EML6: variants seen among roughly 807,000 people sequenced by gnomAD.
EML6 encodes the protein EMAP like 6.
Under a neutral mutation model 240.1 loss-of-function variants are expected in EML6, and 154 were observed. The ratio of observed to expected loss-of-function variants is 0.64; its 90% CI spans 0.56 to 0.73. The LOEUF is 0.73. Among genes scored for constraint, EML6 ranks in the 30% least tolerant of loss-of-function variants. The pLI is 0.00. For synonymous variants in EML6, 1,148 were observed against 899.0 expected (o/e 1.28, Z -4.95); for missense variants, 2,964 against 2,474.6 (o/e 1.20, Z -4.20).
chr2:54,882,858 A>AAAAAAAAAAAAAAAAAAAAAAAC (rs1491306367), intron 17 of EML6: 1 of 95,252 alleles, frequency 1.0e-5, no homozygotes, highest in Non-Finnish European at 2.1e-5. Flanking sequence ...ACTCCGTCTC[A>AAAAAAAAAAAAAAAAAAAAAAAC]AAAAAAAAAA....
At chr2:54,911,150 C>A (rs1673618776) in intron 25 of EML6, 108 bp downstream of exon 25, 2 of 572,734 alleles carry the variant, frequency 3.5e-6, no homozygotes, top group Non-Finnish European at 6.2e-6. Context: ...ATTTACTATA[C>A]CTTTAAGTTT....
intron 17 of EML6, among the ~76,000 whole-genome samples, chr2:54,889,074 G>A (rs953014910): frequency 3.9e-5 from 6 of 152,102 alleles, no homozygotes; most frequent in African/African-American, 1.4e-4. Context: ...TGCTATTTAT[G>A]TAAAACCTTG....
intron 2 of EML6, among the ~76,000 whole-genome samples, chr2:54,767,283 G>C (rs1668221586): frequency 6.6e-6 from 1 of 151,996 alleles, no homozygotes; most frequent in Non-Finnish European, 1.5e-5. Flanking sequence ...AGAACCTACA[G>C]CCAGGGAAAA....
At chr2:54,750,854 T>G (rs751007770) in intron 2 of EML6, among the ~76,000 whole-genome samples, 1 of 152,144 alleles carries the variant, frequency 6.6e-6, no homozygotes, top group Non-Finnish European at 1.5e-5. Flanking sequence ...ATGGGTATCA[T>G]GGTTGTCCGA....
intron 2 of EML6, among the ~76,000 whole-genome samples, chr2:54,792,443 C>G (rs911522456): frequency 6.6e-6 from 1 of 152,214 alleles, no homozygotes; most frequent in Admixed American, 6.5e-5. Context: ...CCCCTGCAAT[C>G]TCACTCCTAG....
At chr2:54,856,459 C>T (rs114659281) in intron 11 of EML6, among the ~76,000 whole-genome samples, 172 of 152,292 alleles carry the variant, frequency 1.1e-3, no homozygotes, top group African/African-American at 3.9e-3. Context: ...AGCAAATGGA[C>T]TTGTGTTGTA....
At chr2:54,958,440 C>T (rs1009564993) in intron 33 of EML6, among the ~76,000 whole-genome samples, 2 of 152,130 alleles carry the variant, frequency 1.3e-5, no homozygotes, top group East Asian at 1.9e-4. Flanking sequence ...GATCCGCCTG[C>T]CTCAGCCTCC....
At chr2:54,733,336 G>A (rs1015522478) in intron 2 of EML6, among the ~76,000 whole-genome samples, 16 of 152,158 alleles carry the variant, frequency 1.1e-4, no homozygotes, top group Admixed American at 3.9e-4. Flanking sequence ...TTGATTTTAT[G>A]GATAGGAATA....
At chr2:54,816,040 T>C (rs1295244093) in intron 3 of EML6, among the ~76,000 whole-genome samples, 1 of 152,260 alleles carries the variant, frequency 6.6e-6, no homozygotes, top group East Asian at 1.9e-4. Flanking sequence ...GTGTTATGTC[T>C]GGCTACTTAA....
rs113998369 is a variant in EML6 at position 54,914,233 on chromosome 2, A to G, written c.3499-2526A>G. Among the ~76,000 whole-genome samples, 463 of 152,352 alleles carry G rather than the reference A, an allele frequency of 3.0e-3. 1 individual carries two copies. Among genetic ancestry groups the G allele is most frequent in the African/African-American group, 0.01 (424 of 41,578 alleles). On this transcript the variant is annotated intron_variant, in intron 25 of 41. Transcript: ENST00000356458. ...AGTTGTCAATCTGGTTTTACAGATA[A>G]GGAAACTAAGGCTCTGTAAGGGCAA...
intron 21 of EML6, among the ~76,000 whole-genome samples, chr2:54,898,824 A>C (rs1179017291): frequency 6.6e-6 from 1 of 152,250 alleles, no homozygotes; most frequent in Non-Finnish European, 1.5e-5. Context: ...GCTCTGTAGC[A>C]CTAATCTTTA....
intron 22 of EML6, among the ~76,000 whole-genome samples, chr2:54,901,892 T>C (rs1673075330): frequency 6.6e-6 from 1 of 152,230 alleles, no homozygotes; most frequent in African/African-American, 2.4e-5. Context: ...GACATACCTT[T>C]GCAAAGTCCA....
intron 2 of EML6, among the ~76,000 whole-genome samples, chr2:54,760,876 G>A (rs1667954535): frequency 7.0e-6 from 1 of 143,328 alleles, no homozygotes; most frequent in Admixed American, 7.1e-5. Context: ...CAGACTGAAA[G>A]ATGGAAGTTA....
At chr2:54,741,617 G>A in intron 2 of EML6, among the ~76,000 whole-genome samples, 1 of 152,082 alleles carries the variant, frequency 6.6e-6, no homozygotes, top group South Asian at 2.1e-4. Context: ...CTAGGCCTGG[G>A]GCAGTGAAAG....
rs937106879 is a variant in EML6 at position 54,869,457 on chromosome 2, G to T, written c.2238+90G>T. The T allele has an allele frequency of 2.2e-5, 22 of 1,010,552 alleles. No homozygotes were observed. In the African/African-American group the frequency reaches 3.4e-4, roughly 16 times the overall value. The allele number at this position is 1,010,552 out of a possible 1,614,324, so 62.6% of individuals were successfully genotyped here. A position where few individuals can be genotyped will look rare whatever the true frequency, so the allele number is the denominator to read the frequency against. On this transcript the variant is annotated intron_variant, in intron 15 of 41. Transcript: ENST00000356458. The stretch of plus-strand genomic sequence containing the variant: ...ATATTAGAAATTCAAGAAATGCTTG[G>T]TAGAAATAAACATGAGATGGGAAGG...
intron 25 of EML6, among the ~76,000 whole-genome samples, chr2:54,913,793 C>A (rs1673765343): frequency 6.6e-6 from 1 of 152,152 alleles, no homozygotes; most frequent in Non-Finnish European, 1.5e-5. Context: ...AGTTTGAGGT[C>A]TTACATTTAA....
rs1035549231 is a variant in EML6, at chr2:54,725,378, G to T, written c.197+120G>T. The stretch of plus-strand genomic sequence containing the variant: ...GGAATAGAGGATTCTCTCTGGAGCC[G>T]CATGGAATTACTGAAGGGCTGCTGA... On this transcript the variant is annotated intron_variant, in intron 2 of 41. Transcript: ENST00000356458. The surrounding 1 kb of genome is among the most constrained non-coding windows in gnomAD (Gnocchi z 4.3). The T allele has an allele frequency of 3.4e-5, 24 of 711,458 alleles. No individual in the cohort carries two copies. The highest frequency in any genetic ancestry group is 4.9e-5 in the Non-Finnish European group (23 of 473,318). 44.1% of individuals were successfully genotyped at this position (711,458 alleles called of 1,614,324 possible). A position where few individuals can be genotyped will look rare whatever the true frequency, so the allele number is the denominator to read the frequency against.
Position 54,961,184 on chromosome 2 carries a change from G to GTTGTTTTTTTTTTTGTTTTTTTTTTTT in EML6, c.4968+852_4968+853insGTTTTTTTTTTTGTTTTTTTTTTTTTT. 3.6e-5 allele frequency among the ~76,000 whole-genome samples: 2 copies of GTTGTTTTTTTTTTTGTTTTTTTTTTTT among 55,424 alleles called. 1 individual carries two copies. Among genetic ancestry groups the GTTGTTTTTTTTTTTGTTTTTTTTTTTT allele is most frequent in the African/African-American group, 1.6e-4 (2 of 12,356 alleles). 36.4% of individuals were successfully genotyped at this position (55,424 alleles called of 152,430 possible). ...GGAGCCTGGAAGTTATCAGGAAGTA[G>GTTGTTTTTTTTTTTGTTTTTTTTTTTT]TTTTTTTTTTTTTTTTTTTGAGACG... On this transcript the variant is annotated intron_variant, in intron 35 of 41. Coordinates refer to ENST00000356458, the MANE Select transcript of EML6 (RefSeq NM_001039753.4).
chr2:54,945,697 C>G (rs895769217), intron 28 of EML6, among the ~76,000 whole-genome samples: 4 of 152,222 alleles, frequency 2.6e-5, no homozygotes, highest in South Asian at 2.1e-4. Context: ...TCTGCTCCAC[C>G]TCTTGCTCTG....
Sources: allele counts gnomAD v4.1 joint callset (sites outside exome capture counted in the v4.1 genomes callset), GRCh38; gene constraint gnomAD v4.1.1; non-coding constraint Gnocchi (gnomAD v3.1); transcripts MANE v1.5; gene names NCBI Gene and HGNC (gene_info 2026-07-23, HGNC 2026-07-21).